The following ACSL4 variants were observed in gnomAD, a reference collection of about 807,000 sequenced individuals.
The protein encoded by ACSL4 is acyl-CoA synthetase long chain family member 4.
ACSL4 carries 9 observed loss-of-function variants against 49.1 expected under a neutral mutation model. That is an observed-to-expected ratio of 0.18 (90% CI 0.11 to 0.32). The LOEUF (loss-of-function observed/expected upper bound fraction) is 0.32, where lower values mean the gene tolerates loss of function less well. Ranked by LOEUF, ACSL4 falls within the 10% of genes least tolerant of loss-of-function variation. The probability of loss-of-function intolerance (pLI) is 1.00; values close to 1 mark genes in which losing one functional copy is unlikely to be tolerated. For synonymous variants in ACSL4, 191 were observed against 170.3 expected (o/e 1.12, Z -0.95); for missense variants, 333 against 493.7 (o/e 0.67, Z 3.08).
chrX:109,692,428 C>T (rs914334681), intron 2 of ACSL4, among the ~76,000 whole-genome samples: 1 of 111,958 alleles, frequency 8.9e-6, no homozygotes, highest in African/African-American at 3.2e-5. Context: ...TGTAAATAAT[C>T]CAAAGCTTAC....
chrX:109,701,835 C>T (rs575988884), intron 1 of ACSL4, among the ~76,000 whole-genome samples: 1 of 100,918 alleles, frequency 9.9e-6, no homozygotes, highest in Non-Finnish European at 2.0e-5. Flanking sequence ...TGAGCCACTC[C>T]GCCTGGCTAA....
chrX:109,704,106 A>T (rs779028075), intron 1 of ACSL4, among the ~76,000 whole-genome samples: 1 of 110,786 alleles, frequency 9.0e-6, no homozygotes, highest in African/African-American at 3.3e-5. Flanking sequence ...TAGAAGTATG[A>T]TTATTAGGTC....
At chrX:109,677,009 G>A (rs1375944146) in intron 8 of ACSL4, among the ~76,000 whole-genome samples, 1 of 109,913 alleles carries the variant, frequency 9.1e-6, no homozygotes, top group Admixed American at 9.6e-5. Flanking sequence ...GCCCAGGCTG[G>A]AGTGCAGTGG....
intron 12 of ACSL4, among the ~76,000 whole-genome samples, chrX:109,663,777 A>T (rs1922383112): frequency 9.0e-6 from 1 of 111,256 alleles, no homozygotes; most frequent in Admixed American, 9.6e-5. Context: ...ATGCATTTCA[A>T]ATTTTTTCTA....
intron 15 of ACSL4, among the ~76,000 whole-genome samples, chrX:109,647,738 G>T (rs939549837): frequency 1.8e-5 from 2 of 111,048 alleles, no homozygotes; most frequent in Non-Finnish European, 3.8e-5. Flanking sequence ...TCCAGGAGGT[G>T]GTTTTTTGAA....
intron 15 of ACSL4, among the ~76,000 whole-genome samples, chrX:109,655,743 G>T (rs1921586278): frequency 9.0e-6 from 1 of 111,035 alleles, no homozygotes; most frequent in African/African-American, 3.3e-5. Flanking sequence ...CAAAACACCA[G>T]AAATTAACAT....
chrX:109,674,000 T>G (rs1197105307), intron 9 of ACSL4, among the ~76,000 whole-genome samples: 1 of 111,910 alleles, frequency 8.9e-6, no homozygotes, highest in Non-Finnish European at 1.9e-5. Context: ...TTGGGAGGGC[T>G]TAGATCCTTG....
intron 15 of ACSL4, among the ~76,000 whole-genome samples, chrX:109,654,378 T>C (rs972812559): frequency 1.8e-5 from 2 of 111,309 alleles, no homozygotes; most frequent in African/African-American, 6.6e-5. Flanking sequence ...ATCAGAAAAA[T>C]GATATTTTTA....
At chrX:109,659,685 C>G (rs1227467712) in intron 14 of ACSL4, among the ~76,000 whole-genome samples, 174 bp from the exon 15 acceptor site, 1 of 110,715 alleles carries the variant, frequency 9.0e-6, no homozygotes, top group African/African-American at 3.3e-5. Flanking sequence ...ACATATAGAC[C>G]AATGGAATAG....
chrX:109,715,378 C>T (rs1927046600), intron 1 of ACSL4, among the ~76,000 whole-genome samples: 1 of 111,239 alleles, frequency 9.0e-6, no homozygotes. Flanking sequence ...GTGGCTCATG[C>T]TTGTAATCCC....
chrX:109,705,469 CT>C (rs1441670383), intron 1 of ACSL4, among the ~76,000 whole-genome samples: 1 of 112,355 alleles, frequency 8.9e-6, no homozygotes, highest in East Asian at 2.8e-4. Context: ...GTGGTTTATT[CT>C]GCCTATTTGC....
intron 1 of ACSL4, among the ~76,000 whole-genome samples, chrX:109,700,040 G>A (rs1603409112): frequency 9.4e-6 from 1 of 105,979 alleles, no homozygotes; most frequent in South Asian, 4.2e-4. Context: ...AAACCCTATC[G>A]CTACTAAAAA....
chrX:109,728,635 C>A (rs928409436), intron 1 of ACSL4, among the ~76,000 whole-genome samples: 1 of 112,269 alleles, frequency 8.9e-6, no homozygotes, highest in African/African-American at 3.2e-5. Flanking sequence ...CACTTGTTCA[C>A]AGAATATATT....
chrX:109,682,585 T>C, intron 4 of ACSL4, 134 bp downstream of exon 4: 3 of 714,545 alleles, frequency 4.2e-6, no homozygotes, highest in Non-Finnish European at 6.6e-6. Context: ...CAATATTACA[T>C]GCCGTATTAT....
intron 1 of ACSL4, among the ~76,000 whole-genome samples, chrX:109,704,381 T>G (rs1054327172): frequency 1.8e-5 from 2 of 108,740 alleles, no homozygotes; most frequent in Admixed American, 9.9e-5. Flanking sequence ...CTAGTTTGAA[T>G]GCCAAGAGAA....
intron 15 of ACSL4, among the ~76,000 whole-genome samples, chrX:109,653,814 C>G (rs1603400280): frequency 9.4e-6 from 1 of 106,855 alleles, no homozygotes; most frequent in Admixed American, 1.0e-4. Flanking sequence ...GTGGGGTGGG[C>G]GGAAGGGGGA....
intron 8 of ACSL4, among the ~76,000 whole-genome samples, chrX:109,675,318 T>C (rs144661557): frequency 0.017 from 1,943 of 112,555 alleles, 31 homozygotes; most frequent in African/African-American, 0.059. Flanking sequence ...CTCTTAGTAA[T>C]TTTATCAGTT....
Position 109,661,045 on chromosome X carries a change from A to G in ACSL4, c.1697+486T>C, listed in dbSNP as rs137922296. Among the ~76,000 whole-genome samples the G allele has an allele frequency of 5.7e-3, 634 of 111,803 alleles. 6 individuals are homozygous for G. Among genetic ancestry groups the G allele is most frequent in the African/African-American group, 0.018 (546 of 30,877 alleles). On this transcript the variant is annotated intron_variant, in intron 14 of 15. Transcript: ENST00000672401. ...TATACACAACACTACTGAACTGTACATTTAGAAATGGTTAAGATGGTAAAT... is the reference window on the plus strand; with the variant it reads ...TATACACAACACTACTGAACTGTACGTTTAGAAATGGTTAAGATGGTAAAT...
intron 15 of ACSL4, among the ~76,000 whole-genome samples, chrX:109,648,890 CAG>C (rs759450294): frequency 1.4e-3 from 138 of 97,774 alleles, no homozygotes; most frequent in Middle Eastern, 5.0e-3. Context: ...AACAGACAAA[CAG>C]AGAGCCAAAT....
Sources: allele counts gnomAD v4.1 joint callset (sites outside exome capture counted in the v4.1 genomes callset), GRCh38; gene constraint gnomAD v4.1.1; transcripts MANE v1.5; gene names NCBI Gene and HGNC (gene_info 2026-07-23, HGNC 2026-07-21).